TPD52: variants seen among roughly 807,000 people sequenced by gnomAD.
TPD52 encodes the protein tumor protein D52.
Under a neutral mutation model 31.3 loss-of-function variants are expected in TPD52, and 17 were observed. That is an observed-to-expected ratio of 0.54 (90% confidence interval 0.37 to 0.82). TPD52 has a LOEUF of 0.82. Ranked by LOEUF, TPD52 falls within the 40% of genes least tolerant of loss-of-function variation. The pLI is 0.00. For missense variants in TPD52, 212 were observed against 240.1 expected (o/e 0.88, Z 0.77); for synonymous variants, 83 against 89.6 (o/e 0.93, Z 0.42).
intron 1 of TPD52, chr8:80,080,349 T>C (rs773582346): frequency 6.2e-7 from 1 of 1,614,146 alleles, no homozygotes; most frequent in Admixed American, 1.7e-5. Context: ...CGGGTGGAGA[T>C]GAATTTCCAC....
chr8:80,065,238 T>C (rs1018306660), intron 1 of TPD52, among the ~76,000 whole-genome samples: 1 of 151,014 alleles, frequency 6.6e-6, no homozygotes, highest in Non-Finnish European at 1.5e-5. Context: ...CATATATATA[T>C]ATGATGATAT....
intron 1 of TPD52, among the ~76,000 whole-genome samples, chr8:80,133,012 T>C (rs895371711): frequency 2.2e-4 from 34 of 152,314 alleles, no homozygotes; most frequent in African/African-American, 7.5e-4. Flanking sequence ...CTGATGCTGA[T>C]GTAAAAGGAA....
At chr8:80,103,058 A>G (rs919472812) in intron 1 of TPD52, among the ~76,000 whole-genome samples, 5 of 152,170 alleles carry the variant, frequency 3.3e-5, no homozygotes, top group Non-Finnish European at 5.9e-5. Context: ...CAAACTGTGC[A>G]TATTTATCCT....
At chr8:80,112,573 C>G (rs980265460) in intron 1 of TPD52, among the ~76,000 whole-genome samples, 2 of 152,144 alleles carry the variant, frequency 1.3e-5, no homozygotes, top group Non-Finnish European at 2.9e-5. Flanking sequence ...AATCGTATCT[C>G]GCAAGTCTAA....
chr8:80,044,045 T>C (rs939660931), intron 6 of TPD52, 122 bp downstream of exon 6: 65 of 808,034 alleles, frequency 8.0e-5, no homozygotes, highest in Non-Finnish European at 1.2e-4. Flanking sequence ...GATAGAGTGT[T>C]AAACACACAG....
At chr8:80,171,216 T>C (rs1348350486) in intron 1 of TPD52, 2 of 709,942 alleles carry the variant, frequency 2.8e-6, no homozygotes, top group South Asian at 3.0e-5. Flanking sequence ...CACTCACACA[T>C]GCAGTCCCAT....
chr8:80,067,724 G>A (rs934408113), intron 1 of TPD52, among the ~76,000 whole-genome samples: 3 of 151,818 alleles, frequency 2.0e-5, no homozygotes, highest in Non-Finnish European at 4.4e-5. Flanking sequence ...AAAGTAGGAG[G>A]CTGATGGTCA....
intron 1 of TPD52, among the ~76,000 whole-genome samples, chr8:80,113,049 G>A (rs892641369): frequency 2.6e-5 from 4 of 152,240 alleles, no homozygotes; most frequent in African/African-American, 7.2e-5. Context: ...CCTGTCACAA[G>A]GTCAGGTGTG....
At chr8:80,109,311 T>C (rs4740113) in intron 1 of TPD52, among the ~76,000 whole-genome samples, 67,621 of 152,088 alleles carry the variant, frequency 0.44, 15,524 homozygotes, top group East Asian at 0.79. Context: ...TAAAAAGAAC[T>C]TGTGCGGTCA....
At chr8:80,145,374 T>G (rs1356410752) in intron 1 of TPD52, among the ~76,000 whole-genome samples, 2 of 152,188 alleles carry the variant, frequency 1.3e-5, no homozygotes, top group Non-Finnish European at 2.9e-5. Flanking sequence ...GGCATGGCAG[T>G]TGCACCACAA....
intron 1 of TPD52, among the ~76,000 whole-genome samples, chr8:80,110,124 G>C (rs1174011709): frequency 6.6e-6 from 1 of 152,146 alleles, no homozygotes; most frequent in East Asian, 1.9e-4. Context: ...TGGACTCAGA[G>C]ACCGAATTTA....
chr8:80,162,492 A>AT (rs953413395), intron 1 of TPD52, among the ~76,000 whole-genome samples: 61 of 149,946 alleles, frequency 4.1e-4, no homozygotes, highest in African/African-American at 6.8e-4. Context: ...AAGCTCTGTA[A>AT]TTTTTTTTTT....
At chr8:80,082,765 C>T (rs1160221452) in intron 1 of TPD52, among the ~76,000 whole-genome samples, 2 of 152,230 alleles carry the variant, frequency 1.3e-5, no homozygotes, top group African/African-American at 2.4e-5. Flanking sequence ...CCAGGGCGCT[C>T]TACCGGATAC....
At chr8:80,156,765 C>T (rs1811000208) in intron 1 of TPD52, among the ~76,000 whole-genome samples, 1 of 151,834 alleles carries the variant, frequency 6.6e-6, no homozygotes, top group Non-Finnish European at 1.5e-5. Flanking sequence ...GTGGGGATGC[C>T]AAGTAGGTTG....
intron 2 of TPD52, among the ~76,000 whole-genome samples, chr8:80,062,671 T>C (rs760431092): frequency 2.0e-5 from 3 of 152,090 alleles, no homozygotes; most frequent in South Asian, 4.1e-4. Flanking sequence ...CCAAAAAAAC[T>C]TGAAACATGG....
intron 1 of TPD52, among the ~76,000 whole-genome samples, chr8:80,134,295 G>C (rs112974714): frequency 1.7e-4 from 26 of 152,326 alleles, no homozygotes; most frequent in African/African-American, 6.3e-4. Flanking sequence ...ATAGTATAGA[G>C]ATGGGGGAGA....
chr8:80,050,682 C>T (rs1041134265), intron 4 of TPD52, among the ~76,000 whole-genome samples: 1 of 152,152 alleles, frequency 6.6e-6, no homozygotes, highest in African/African-American at 2.4e-5. Context: ...TATGCTTAGA[C>T]AATGACAGTC....
intron 1 of TPD52, 180 bp from the exon 2 acceptor site, chr8:80,064,773 C>T (rs1586200464): frequency 1.9e-5 from 13 of 692,372 alleles, no homozygotes; most frequent in South Asian, 1.9e-4. Flanking sequence ...AGCTAACCAC[C>T]GGAAACTACC....
chr8:80,147,854 A>ACAC (rs1554594107), intron 1 of TPD52, among the ~76,000 whole-genome samples: 1 of 150,574 alleles, frequency 6.6e-6, no homozygotes, highest in African/African-American at 2.4e-5. Context: ...ACACACACAC[A>ACAC]CCCCCCACAC....
Sources: gnomAD v4.1 joint callset for allele counts (sites outside exome capture counted in the v4.1 genomes callset) on GRCh38, gnomAD v4.1.1 for gene constraint, MANE v1.5 for transcripts, NCBI Gene and HGNC (gene_info 2026-07-23, HGNC 2026-07-21) for gene names.